SEPTIN2: variants seen among roughly 807,000 people sequenced by gnomAD.
SEPTIN2 encodes septin 2, also known as septin-2.
In SEPTIN2, 34 loss-of-function variants were observed where a neutral mutation model predicts 46.5. The observed-to-expected ratio is 0.73, with a 90% CI of 0.56 to 0.97. SEPTIN2 has a LOEUF of 0.97. Ranked by LOEUF, SEPTIN2 falls within the 50% of genes least tolerant of loss-of-function variation. SEPTIN2 has a pLI of 0.00. For synonymous variants in SEPTIN2, 175 were observed against 153.4 expected (o/e 1.14, Z -1.04); for missense variants, 347 against 448.4 (o/e 0.77, Z 2.04).
At chr2:241,332,921 A>C (rs1406254168) in intron 3 of SEPTIN2, among the ~76,000 whole-genome samples, 1 of 152,252 alleles carries the variant, frequency 6.6e-6, no homozygotes, top group African/African-American at 2.4e-5. Flanking sequence ...CAAAGCTGAT[A>C]CATAGTGACA....
At chr2:241,348,474 G>C (rs1019284477) in intron 11 of SEPTIN2, among the ~76,000 whole-genome samples, 1 of 152,054 alleles carries the variant, frequency 6.6e-6, no homozygotes, top group Admixed American at 6.6e-5. Flanking sequence ...CAGGTGATCT[G>C]CCCACCTTGG....
rs559616488 is a variant in SEPTIN2, at chr2:241,324,138, C to T, written c.-17-78C>T. The T allele has an allele frequency of 1.0e-3, 1,378 of 1,352,492 alleles. 19 individuals carry two copies. In the South Asian group the frequency reaches 0.015, roughly 15 times the overall value. 83.8% of individuals were successfully genotyped at this position (1,352,492 alleles called of 1,614,324 possible). A position where few individuals can be genotyped will look rare whatever the true frequency, so the allele number is the denominator to read the frequency against. ...TGTAAGTCTTCTTCAGGTCAGTTCA[C>T]GCTGTTAAATATACGTGCGTATACA... On this transcript the variant is annotated intron_variant, in intron 1 of 12. Coordinates refer to ENST00000391971, the MANE Select transcript of SEPTIN2 (RefSeq NM_004404.5).
chr2:241,335,768 T>G (rs1316788099), intron 4 of SEPTIN2: 3 of 612,450 alleles, frequency 4.9e-6, no homozygotes, highest in African/African-American at 1.8e-5. Context: ...ATTTGTGTTT[T>G]TAACCTTCCC....
At chr2:241,344,023 C>T in intron 9 of SEPTIN2, 126 bp downstream of exon 9, 5 of 1,182,266 alleles carry the variant, frequency 4.2e-6, no homozygotes, top group Middle Eastern at 4.0e-4. Context: ...CAGTGTTTCT[C>T]ACATCGCAGA....
chr2:241,348,937 A>G (rs982167397), intron 11 of SEPTIN2, among the ~76,000 whole-genome samples: 3 of 152,260 alleles, frequency 2.0e-5, no homozygotes, highest in African/African-American at 7.2e-5. Context: ...TTCAATATTG[A>G]TCAAATATTT....
chr2:241,329,651 C>T (rs1225972456), intron 3 of SEPTIN2, among the ~76,000 whole-genome samples: 4 of 152,102 alleles, frequency 2.6e-5, no homozygotes, highest in African/African-American at 4.8e-5. Flanking sequence ...GAGGGTACAC[C>T]GAACAAAGAG....
At chr2:241,322,330 G>A (rs1425395334) in intron 1 of SEPTIN2, among the ~76,000 whole-genome samples, 1 of 152,076 alleles carries the variant, frequency 6.6e-6, no homozygotes, top group Non-Finnish European at 1.5e-5. Flanking sequence ...CTCTGGCTGG[G>A]CACAGTGGCT....
intron 3 of SEPTIN2, among the ~76,000 whole-genome samples, chr2:241,332,871 G>A (rs1167698650): frequency 6.6e-6 from 1 of 152,180 alleles, no homozygotes; most frequent in Non-Finnish European, 1.5e-5. Flanking sequence ...ACACAAAACA[G>A]GCCATGTTGT....
intron 3 of SEPTIN2, among the ~76,000 whole-genome samples, chr2:241,329,291 A>G (rs1332433636): frequency 6.6e-6 from 1 of 151,732 alleles, no homozygotes; most frequent in East Asian, 2.0e-4. Context: ...CACCTGGCTA[A>G]TTTTGTTTCT....
chr2:241,340,903 T>TA (rs930862752), intron 7 of SEPTIN2, among the ~76,000 whole-genome samples: 19 of 152,314 alleles, frequency 1.2e-4, no homozygotes, highest in South Asian at 2.1e-4. Flanking sequence ...GTCAGACACT[T>TA]ACTGGTAGCT....
In SEPTIN2 at chr2:241,337,531, A is replaced by G; in HGVS notation, c.476+15A>G. ...TTTGGACATGGGTAAGTAATTGTTT[A>G]TCGTGGAGAAATGCTTTACTACATG... On this transcript the variant is annotated intron_variant, in intron 6 of 12. Coordinates refer to ENST00000391971, the MANE Select transcript of SEPTIN2 (RefSeq NM_004404.5). 1 of 1,612,790 alleles carries G rather than the reference A, an allele frequency of 6.2e-7. No homozygotes were observed. Among genetic ancestry groups the G allele is most frequent in the East Asian group, 2.2e-5 (1 of 44,848 alleles).
At chr2:241,338,588 A>G (rs1559641014) in intron 7 of SEPTIN2, among the ~76,000 whole-genome samples, 1 of 134,754 alleles carries the variant, frequency 7.4e-6, no homozygotes, top group East Asian at 2.1e-4. Flanking sequence ...TGTCTCTAAA[A>G]AAATATATAT....
chr2:241,337,798 A>G lies in SEPTIN2; in HGVS notation c.594+8A>G. ...GAGCGGCTGAAGAAAAGGGTGAGTG[A>G]GGCTGGCGTCCTGCCCTCCCTCTGG... On this transcript the variant is annotated splice_region_variant and intron_variant, in intron 7 of 12. Transcript: ENST00000391971. The G allele has an allele frequency of 6.2e-7, 1 of 1,603,226 alleles. No homozygotes were observed.
chr2:241,328,425 C>T (rs1575198074), intron 3 of SEPTIN2, among the ~76,000 whole-genome samples: 1 of 151,578 alleles, frequency 6.6e-6, no homozygotes, highest in South Asian at 2.1e-4. Context: ...AGCAAGACTC[C>T]GTCTCAAAAA....
intron 9 of SEPTIN2, among the ~76,000 whole-genome samples, chr2:241,344,425 G>A (rs183693981): frequency 6.6e-6 from 1 of 152,318 alleles, no homozygotes; most frequent in East Asian, 1.9e-4. Context: ...ATGGCTGGGC[G>A]TGGTGGCTCA....
chr2:241,350,294 A>G (rs2060666447), intron 12 of SEPTIN2, 91 bp downstream of exon 12: 1 of 636,652 alleles, frequency 1.6e-6, no homozygotes, highest in Non-Finnish European at 2.4e-6. Flanking sequence ...AGCCTCATTA[A>G]TATTTTGCAT....
chr2:241,316,237 G>A (rs930287340), intron 1 of SEPTIN2: 5 of 365,366 alleles, frequency 1.4e-5, no homozygotes, highest in South Asian at 1.6e-4. Flanking sequence ...TGGGGATTCC[G>A]GTGACCCCTT....
intron 3 of SEPTIN2, among the ~76,000 whole-genome samples, chr2:241,328,290 G>C (rs563257197): frequency 1.3e-5 from 2 of 152,012 alleles, no homozygotes; most frequent in Non-Finnish European, 2.9e-5. Context: ...CAAAAACCTG[G>C]GCGTGGTGGT....
chr2:241,330,972 C>A (rs2078892525), intron 3 of SEPTIN2, among the ~76,000 whole-genome samples: 1 of 152,214 alleles, frequency 6.6e-6, no homozygotes, highest in South Asian at 2.1e-4. Flanking sequence ...GAGTTTAAGA[C>A]CAGCCCCCCC....
Sources: gnomAD v4.1 joint callset for allele counts (sites outside exome capture counted in the v4.1 genomes callset) on GRCh38, gnomAD v4.1.1 for gene constraint, MANE v1.5 for transcripts, NCBI Gene and HGNC (gene_info 2026-07-23, HGNC 2026-07-21) for gene names.